Variants in PRLR observed in about 807,000 individuals in gnomAD.
PRLR encodes hPRL receptor.
In PRLR, 13 loss-of-function variants were observed where a neutral mutation model predicts 40.2. That is an observed-to-expected ratio of 0.32 (90% CI 0.21 to 0.51). The LOEUF is 0.51. Among genes scored for constraint, PRLR ranks in the 20% least tolerant of loss-of-function variants. The probability of loss-of-function intolerance (pLI) is 0.97; values close to 1 mark genes in which losing one functional copy is unlikely to be tolerated. For missense variants in PRLR, 656 were observed against 747.3 expected, an observed-to-expected ratio of 0.88 and a Z score of 1.42; for synonymous variants, 269 against 278.7, an observed-to-expected ratio of 0.97 and a Z score of 0.35.
At chr5:35,081,776 C>A (rs1331606824) in intron 5 of PRLR, 1 of 128,624 alleles carries the variant, frequency 7.8e-6, no homozygotes, top group Non-Finnish European at 1.5e-5. Flanking sequence ...AGGCAATACA[C>A]AAACACACAC....
chr5:35,122,057 C>T (rs1372262026), intron 1 of PRLR, among the ~76,000 whole-genome samples: 1 of 152,100 alleles, frequency 6.6e-6, no homozygotes. Context: ...GGTAATTCAT[C>T]ACAAGACATG....
chr5:35,140,784 T>C (rs540756319), intron 1 of PRLR, among the ~76,000 whole-genome samples: 1 of 152,352 alleles, frequency 6.6e-6, no homozygotes, highest in South Asian at 2.1e-4. Flanking sequence ...AGAACTGTTT[T>C]AAATATTTTG....
At chr5:35,106,944 C>A (rs1267555980) in intron 2 of PRLR, among the ~76,000 whole-genome samples, 2 of 152,182 alleles carry the variant, frequency 1.3e-5, no homozygotes, top group South Asian at 4.1e-4. Flanking sequence ...CACCACATCG[C>A]ACTTATTCCA....
intron 1 of PRLR, among the ~76,000 whole-genome samples, chr5:35,201,130 A>G (rs975193059): frequency 7.2e-5 from 11 of 152,208 alleles, no homozygotes; most frequent in Non-Finnish European, 1.5e-4. Flanking sequence ...CAATAAAGAT[A>G]GTACTCAAAA....
intron 1 of PRLR, among the ~76,000 whole-genome samples, chr5:35,188,776 CT>C (rs1775516622): frequency 6.6e-6 from 1 of 152,138 alleles, no homozygotes; most frequent in Non-Finnish European, 1.5e-5. Flanking sequence ...GTCCTGGGAG[CT>C]TTTTATTTAT....
At chr5:35,208,320 G>A (rs1167916597) in intron 1 of PRLR, among the ~76,000 whole-genome samples, 5 of 152,124 alleles carry the variant, frequency 3.3e-5, no homozygotes, top group Non-Finnish European at 5.9e-5. Flanking sequence ...TCAGCTAGAA[G>A]GTTGTTTCCT....
At chr5:35,109,419 A>G (rs796849597) in intron 2 of PRLR, among the ~76,000 whole-genome samples, 39 of 152,336 alleles carry the variant, frequency 2.6e-4, no homozygotes, top group African/African-American at 8.4e-4. Flanking sequence ...TCACCATCAG[A>G]GCGAACTGGC....
chr5:35,199,167 CA>C (rs911421365), intron 1 of PRLR, among the ~76,000 whole-genome samples: 3 of 152,124 alleles, frequency 2.0e-5, no homozygotes, highest in Non-Finnish European at 1.5e-5. Flanking sequence ...ATGCAGTTCC[CA>C]AATCTATGAG....
At chr5:35,219,046 T>C (rs1418009258) in intron 1 of PRLR, among the ~76,000 whole-genome samples, 1 of 152,180 alleles carries the variant, frequency 6.6e-6, no homozygotes, top group Non-Finnish European at 1.5e-5. Context: ...TGGTTTATCC[T>C]CCCACCTTGG....
At chr5:35,203,594 T>C (rs1775936312) in intron 1 of PRLR, among the ~76,000 whole-genome samples, 1 of 152,184 alleles carries the variant, frequency 6.6e-6, no homozygotes. Context: ...TAGAGAAACC[T>C]ACTTAATGAA....
At chr5:35,185,333 T>C (rs12188108) in intron 1 of PRLR, among the ~76,000 whole-genome samples, 45,015 of 152,064 alleles carry the variant, frequency 0.3, 6,871 homozygotes, top group African/African-American at 0.34. Flanking sequence ...ATTCCACAAG[T>C]CTGGCCAGAT....
chr5:35,089,640 T>G lies in PRLR; in HGVS notation c.-20A>C, dbSNP rs927977549. The G allele has an allele frequency of 1.2e-6, 2 of 1,613,674 alleles. No individual in the cohort carries two copies. The highest frequency in any genetic ancestry group is 2.7e-5 in the African/African-American group (2 of 74,932). ...CTTCATGTTGGCTGCCTTCTCTTGC[T>G]GCAGGAAATGTATCAGAAGTTCACT... is the stretch of plus-strand genomic sequence containing the variant. On this transcript the variant is annotated 5_prime_UTR_variant, in exon 3 of 10. Transcript: ENST00000618457.
rs986736543 is a variant in PRLR at position 35,207,192 on chromosome 5, C to T, written c.-106+23076G>A. Among the ~76,000 whole-genome samples, 3 of 151,670 alleles carry T rather than the reference C, an allele frequency of 2.0e-5. No homozygotes were observed. The East Asian group carries it at 5.8e-4, about 29-fold the overall frequency. ...AAGTTACGATCAATGCTGTAAGACACCAAATAAAAATTAGATGCAATTTTT... is the reference window on the plus strand; with the variant it reads ...AAGTTACGATCAATGCTGTAAGACATCAAATAAAAATTAGATGCAATTTTT... On this transcript the variant is annotated intron_variant, in intron 1 of 9. Coordinates refer to ENST00000618457, the MANE Select transcript of PRLR (RefSeq NM_000949.7).
intron 3 of PRLR, among the ~76,000 whole-genome samples, chr5:35,088,688 C>G (rs931552391): frequency 1.3e-5 from 2 of 152,052 alleles, no homozygotes; most frequent in Admixed American, 1.3e-4. Flanking sequence ...TGCACAGAAA[C>G]ACGGAGAAAA....
intron 1 of PRLR, 26 bp downstream of exon 1, chr5:35,230,242 G>A (rs1432478922): frequency 6.6e-6 from 1 of 152,236 alleles, no homozygotes; most frequent in Non-Finnish European, 1.5e-5. Flanking sequence ...CGTCGGAGGC[G>A]GCCTCAGCTC....
At chr5:35,052,970 T>G (rs1422987905), downstream of PRLR, among the ~76,000 whole-genome samples, 1 of 152,224 alleles carries the variant, frequency 6.6e-6, no homozygotes, top group Non-Finnish European at 1.5e-5. Flanking sequence ...AAAACTATAA[T>G]CAAATAAATT....
chr5:35,159,197 C>A (rs1004009848), intron 1 of PRLR, among the ~76,000 whole-genome samples: 3 of 152,028 alleles, frequency 2.0e-5, no homozygotes, highest in African/African-American at 7.2e-5. Context: ...GCCCCTCATT[C>A]TGCACTGGCT....
At chr5:35,112,958 C>T (rs958527432) in intron 2 of PRLR, among the ~76,000 whole-genome samples, 7 of 152,234 alleles carry the variant, frequency 4.6e-5, no homozygotes, top group African/African-American at 1.7e-4. Flanking sequence ...ATTCATACTC[C>T]CAGAGCAACT....
chr5:35,157,992 C>G (rs1774559636), intron 1 of PRLR, among the ~76,000 whole-genome samples: 1 of 152,234 alleles, frequency 6.6e-6, no homozygotes, highest in East Asian at 1.9e-4. Context: ...AATTTATCTG[C>G]TAGCCTCACA....
Sources: allele counts gnomAD v4.1 joint callset (sites outside exome capture counted in the v4.1 genomes callset), GRCh38; gene constraint gnomAD v4.1.1; transcripts MANE v1.5; gene names NCBI Gene and HGNC (gene_info 2026-07-23, HGNC 2026-07-21).